Variants in CDH13 observed in about 807,000 individuals in gnomAD.
CDH13 encodes the protein cadherin 13.
In CDH13, 24 loss-of-function variants were observed where a neutral mutation model predicts 63.8. The ratio of observed to expected loss-of-function variants is 0.38; its 90% confidence interval spans 0.27 to 0.53. The LOEUF (loss-of-function observed/expected upper bound fraction) is 0.53. Among genes scored for constraint, CDH13 ranks in the 20% least tolerant of loss-of-function variants. The probability of loss-of-function intolerance (pLI) is 0.85; values close to 1 mark genes in which losing one functional copy is unlikely to be tolerated. For missense variants in CDH13, 1,049 were observed against 903.1 expected, an observed-to-expected ratio of 1.16 and a Z score of -2.07; for synonymous variants, 503 against 355.3, an observed-to-expected ratio of 1.42 and a Z score of -4.67.
At chr16:83,439,894 T>C (rs1375909884) in intron 6 of CDH13, among the ~76,000 whole-genome samples, 1 of 152,198 alleles carries the variant, frequency 6.6e-6, no homozygotes, top group Non-Finnish European at 1.5e-5. Context: ...TCTAACAAAG[T>C]CCAAATTCTA....
At chr16:83,614,892 A>T (rs1909157199) in intron 8 of CDH13, among the ~76,000 whole-genome samples, 1 of 152,208 alleles carries the variant, frequency 6.6e-6, no homozygotes, top group South Asian at 2.1e-4. Flanking sequence ...AACTTATTTC[A>T]GTAAAAGTTT....
chr16:82,663,719 C>G (rs2150930057), intron 1 of CDH13, among the ~76,000 whole-genome samples: 2 of 152,314 alleles, frequency 1.3e-5, no homozygotes, highest in Middle Eastern at 3.4e-3. Flanking sequence ...ATCTGGTTGT[C>G]TGATTCGTGT....
chr16:82,718,942 C>T (rs1292299771), intron 1 of CDH13, among the ~76,000 whole-genome samples: 1 of 152,108 alleles, frequency 6.6e-6, no homozygotes, highest in African/African-American at 2.4e-5. Flanking sequence ...GACCTGAGAG[C>T]CATTTGGTGC....
At chr16:83,090,377 C>T (rs2033836253) in intron 3 of CDH13, among the ~76,000 whole-genome samples, 2 of 151,932 alleles carry the variant, frequency 1.3e-5, no homozygotes, top group Non-Finnish European at 2.9e-5. Context: ...AGTTGGAGAC[C>T]AGCCCGACCA....
intron 2 of CDH13, among the ~76,000 whole-genome samples, chr16:82,919,850 G>C (rs1283701626): frequency 6.6e-6 from 1 of 152,176 alleles, no homozygotes; most frequent in Non-Finnish European, 1.5e-5. Flanking sequence ...CTAGGCATTA[G>C]GAAATATGCT....
chr16:83,033,339 A>G (rs919474072), intron 3 of CDH13, among the ~76,000 whole-genome samples: 2 of 152,056 alleles, frequency 1.3e-5, no homozygotes, highest in Admixed American at 6.5e-5. Flanking sequence ...GTCTATATGT[A>G]TACATTTGCA....
intron 1 of CDH13, among the ~76,000 whole-genome samples, chr16:82,666,969 G>T (rs1212572047): frequency 6.6e-6 from 1 of 152,138 alleles, no homozygotes; most frequent in African/African-American, 2.4e-5. Context: ...GTTCAGGAAT[G>T]GGTCCAGTTC....
chr16:83,687,868 A>G (rs1003756171), intron 10 of CDH13, among the ~76,000 whole-genome samples: 3 of 152,174 alleles, frequency 2.0e-5, no homozygotes, highest in Admixed American at 6.5e-5. Context: ...TTGAACACAG[A>G]ATATCTGAAT....
At chr16:82,970,053 C>T (rs983726429) in intron 2 of CDH13, among the ~76,000 whole-genome samples, 20 of 152,024 alleles carry the variant, frequency 1.3e-4, no homozygotes, top group African/African-American at 4.6e-4. Flanking sequence ...CCGTCATCTA[C>T]ATTAGGTATT....
At chr16:83,559,262 G>T (rs1285338215) in intron 7 of CDH13, among the ~76,000 whole-genome samples, 1 of 152,154 alleles carries the variant, frequency 6.6e-6, no homozygotes, top group African/African-American at 2.4e-5. Context: ...ATGTAGTATG[G>T]TCTTTAATTT....
At chr16:82,714,231 C>A (rs2151011574) in intron 1 of CDH13, among the ~76,000 whole-genome samples, 1 of 152,312 alleles carries the variant, frequency 6.6e-6, no homozygotes, top group Non-Finnish European at 1.5e-5. Flanking sequence ...TTCCCCAGGG[C>A]TGAACCAACA....
intron 1 of CDH13, among the ~76,000 whole-genome samples, chr16:82,783,071 T>C (rs914909626): frequency 2.0e-5 from 3 of 152,206 alleles, no homozygotes; most frequent in African/African-American, 7.2e-5. Flanking sequence ...CAAATGCTTG[T>C]TGACAACAGG....
At chr16:83,294,902 C>G (rs918808451) in intron 5 of CDH13, among the ~76,000 whole-genome samples, 4 of 151,984 alleles carry the variant, frequency 2.6e-5, no homozygotes, top group African/African-American at 9.7e-5. Flanking sequence ...TATGAAACCA[C>G]AAAAGACCAT....
At chr16:83,463,530 A>G (rs1193146655) in intron 6 of CDH13, among the ~76,000 whole-genome samples, 1 of 152,150 alleles carries the variant, frequency 6.6e-6, no homozygotes, top group South Asian at 2.1e-4. Flanking sequence ...GCCAGGTGCA[A>G]TGGCTCCTGC....
At chr16:83,516,364 A>G (rs2074699147) in intron 7 of CDH13, among the ~76,000 whole-genome samples, 1 of 152,216 alleles carries the variant, frequency 6.6e-6, no homozygotes, top group Non-Finnish European at 1.5e-5. Flanking sequence ...ATCTCTCTTT[A>G]TGAACACTCC....
intron 12 of CDH13, 128 bp downstream of exon 12, chr16:83,780,329 T>C (rs997418927): frequency 4.8e-6 from 3 of 631,046 alleles, no homozygotes; most frequent in Non-Finnish European, 5.4e-6. Flanking sequence ...ATTGGCATAT[T>C]ATAAATACTG....
chr16:82,726,433 G>A (rs866143199), intron 1 of CDH13, among the ~76,000 whole-genome samples: 4 of 152,156 alleles, frequency 2.6e-5, no homozygotes, highest in Admixed American at 1.3e-4. Context: ...ACCACAAACT[G>A]TTACTTTCTT....
At chr16:82,710,627 T>G (rs1430932012) in intron 1 of CDH13, among the ~76,000 whole-genome samples, 1 of 141,614 alleles carries the variant, frequency 7.1e-6, no homozygotes, top group Non-Finnish European at 1.5e-5. Context: ...GATATACAAA[T>G]ATATTTACAT....
intron 5 of CDH13, among the ~76,000 whole-genome samples, chr16:83,297,546 A>G (rs1028526282): frequency 6.6e-6 from 1 of 152,082 alleles, no homozygotes; most frequent in African/African-American, 2.4e-5. Context: ...TTTCTCACTG[A>G]ACACTTTTTG....
Sources: gnomAD v4.1 joint callset for allele counts (sites outside exome capture counted in the v4.1 genomes callset) on GRCh38, gnomAD v4.1.1 for gene constraint, MANE v1.5 for transcripts, NCBI Gene and HGNC (gene_info 2026-07-23, HGNC 2026-07-21) for gene names.